ENTPD1: variants seen among roughly 807,000 people sequenced by gnomAD.
The protein encoded by ENTPD1 is ectonucleoside triphosphate diphosphohydrolase 1, also known as ATP diphosphohydrolase.
In ENTPD1, 33 loss-of-function variants were observed where a neutral mutation model predicts 57.0. The observed-to-expected ratio is 0.58, with a 90% confidence interval of 0.44 to 0.77. ENTPD1 has a LOEUF of 0.77. Among genes scored for constraint, ENTPD1 ranks in the 30% least tolerant of loss-of-function variants. ENTPD1 has a pLI of 0.00. For missense variants in ENTPD1, 501 were observed against 603.4 expected, an observed-to-expected ratio of 0.83 and a Z score of 1.78; for synonymous variants, 202 against 218.8, an observed-to-expected ratio of 0.92 and a Z score of 0.68.
chr10:95,783,895 A>C (rs191786232), intron 1 of ENTPD1, among the ~76,000 whole-genome samples: 20 of 152,268 alleles, frequency 1.3e-4, no homozygotes, highest in Admixed American at 1.3e-3. Flanking sequence ...AAGAGGAACA[A>C]ATTTTAAGAT....
intron 1 of ENTPD1, among the ~76,000 whole-genome samples, chr10:95,781,997 G>A (rs1448302309): frequency 6.6e-6 from 1 of 152,222 alleles, no homozygotes; most frequent in Non-Finnish European, 1.5e-5. Context: ...ATTGATGAGA[G>A]TTCTGTGAGT....
chr10:95,755,928 A>G, upstream of ENTPD1: 1 of 1,486,986 alleles, frequency 6.7e-7, no homozygotes, highest in Non-Finnish European at 8.9e-7. Flanking sequence ...GGAAGAAGGG[A>G]GAAAGAGAGA....
intron 1 of ENTPD1, among the ~76,000 whole-genome samples, chr10:95,811,385 A>T (rs2098306621): frequency 6.6e-6 from 1 of 152,062 alleles, no homozygotes; most frequent in Admixed American, 6.5e-5. Flanking sequence ...CCCAATGTTC[A>T]CCTTCCCAGC....
intron 4 of ENTPD1, 97 bp downstream of exon 4, chr10:95,842,591 C>T: frequency 1.5e-6 from 2 of 1,374,986 alleles, no homozygotes; most frequent in South Asian, 1.4e-5. Flanking sequence ...CCCTAATACC[C>T]CAAGTTCTAC....
chr10:95,817,649 T>C (rs541410994), intron 1 of ENTPD1, among the ~76,000 whole-genome samples: 2 of 152,280 alleles, frequency 1.3e-5, no homozygotes, highest in East Asian at 3.9e-4. Context: ...GCTGTAAAGC[T>C]CTTGCCTCAG....
chr10:95,754,639 T>A (rs1230380050), upstream of ENTPD1: 1 of 152,232 alleles, frequency 6.6e-6, no homozygotes, highest in African/African-American at 2.4e-5. Flanking sequence ...AAACCAGTTT[T>A]ATCATAACAG....
At chr10:95,796,582 C>T (rs1160083794) in intron 1 of ENTPD1, among the ~76,000 whole-genome samples, 5 of 152,022 alleles carry the variant, frequency 3.3e-5, no homozygotes, top group African/African-American at 1.2e-4. Context: ...GTTAGCATGG[C>T]CTTAAAATTG....
intron 1 of ENTPD1, among the ~76,000 whole-genome samples, chr10:95,801,071 TATTA>T (rs1181787921): frequency 6.6e-6 from 1 of 152,166 alleles, no homozygotes; most frequent in Non-Finnish European, 1.5e-5. Flanking sequence ...ATTATAAAAG[TATTA>T]ATTTTGGGAA....
intron 1 of ENTPD1, among the ~76,000 whole-genome samples, chr10:95,805,836 T>G (rs1313505343): frequency 1.3e-5 from 2 of 152,220 alleles, no homozygotes; most frequent in Admixed American, 6.5e-5. Flanking sequence ...TCTTCTGGCT[T>G]GTAGAGTTTC....
intron 1 of ENTPD1, among the ~76,000 whole-genome samples, chr10:95,770,558 T>A (rs1299801527): frequency 6.6e-6 from 1 of 152,188 alleles, no homozygotes; most frequent in Non-Finnish European, 1.5e-5. Context: ...AGACATTTTC[T>A]GTGAAAGAAA....
At chr10:95,747,525 G>C (rs1243016847) in intron 1 of ENTPD1, among the ~76,000 whole-genome samples, 1 of 152,184 alleles carries the variant, frequency 6.6e-6, no homozygotes, top group African/African-American at 2.4e-5. Flanking sequence ...GACTAGCTCT[G>C]TCCTTTCTGT....
At chr10:95,742,544 T>TC (rs1165804586) in intron 1 of ENTPD1, among the ~76,000 whole-genome samples, 1 of 150,798 alleles carries the variant, frequency 6.6e-6, no homozygotes. Flanking sequence ...CTTTTTTCTT[T>TC]TTTTTTTTTT....
chr10:95,784,018 T>G (rs1379797827), intron 1 of ENTPD1, among the ~76,000 whole-genome samples: 1 of 151,984 alleles, frequency 6.6e-6, no homozygotes, highest in Non-Finnish European at 1.5e-5. Flanking sequence ...TTTTTTTTCT[T>G]TTGTCTCTTT....
At position 95,829,572 on chromosome 10, in the gene ENTPD1, T is replaced by G. The variant is rs752907036; in HGVS notation, c.144+6208T>G. 6.0e-4 allele frequency among the ~76,000 whole-genome samples: 92 copies of G among 152,184 alleles called. 1 individual carries two copies. Among genetic ancestry groups the G allele is most frequent in the Admixed American group, 6.5e-5 (1 of 15,286 alleles). ...GTCACAAGAGGTATCTGAAGTATCATTGCACCTCCTGATTTTTGTGGAGGT... is the reference window on the plus strand; with the variant it reads ...GTCACAAGAGGTATCTGAAGTATCAGTGCACCTCCTGATTTTTGTGGAGGT... On this transcript the variant is annotated intron_variant, in intron 2 of 9. Transcript: ENST00000371205.
At chr10:95,809,798 C>T (rs552207160) in intron 1 of ENTPD1, among the ~76,000 whole-genome samples, 10 of 150,624 alleles carry the variant, frequency 6.6e-5, no homozygotes, top group South Asian at 6.3e-4. Flanking sequence ...GACGGGGCGG[C>T]GGGGCAGAAG....
intron 1 of ENTPD1, among the ~76,000 whole-genome samples, chr10:95,769,262 A>G (rs1402280277): frequency 2.0e-5 from 3 of 152,166 alleles, no homozygotes; most frequent in African/African-American, 7.2e-5. Context: ...TGAATTAGGG[A>G]GTGAGCTCCT....
At position 95,729,922 on chromosome 10, in the gene ENTPD1, C is replaced by T. The variant is rs570863431; in HGVS notation, c.37+17929C>T. Among the ~76,000 whole-genome samples, 5 of 152,264 alleles carry T rather than the reference C, an allele frequency of 3.3e-5. No homozygotes were observed. The East Asian group carries it at 7.7e-4, about 23-fold the overall frequency. On this transcript the variant is annotated intron_variant, in intron 1 of 9. Transcript: ENST00000453258. ...GAATTTCTCTAACTTAGTGATATCC[C>T]GATTCCTGATTTGTAGCAAGTCAGA...
At chr10:95,843,707 G>A (rs1040079013) in intron 4 of ENTPD1, among the ~76,000 whole-genome samples, 2 of 152,206 alleles carry the variant, frequency 1.3e-5, no homozygotes, top group African/African-American at 4.8e-5. Flanking sequence ...GACACTGGTA[G>A]AGAAGATGGA....
chr10:95,702,736 T>TAAA, the ENTPD1 span, among the ~76,000 whole-genome samples: 1 of 152,184 alleles, frequency 6.6e-6, no homozygotes, highest in Non-Finnish European at 1.5e-5. Flanking sequence ...AGAAAATCTT[T>TAAA]AAAATGTATA....
Sources: gnomAD v4.1 joint callset for allele counts (sites outside exome capture counted in the v4.1 genomes callset) on GRCh38, gnomAD v4.1.1 for gene constraint, MANE v1.5 for transcripts, NCBI Gene and HGNC (gene_info 2026-07-23, HGNC 2026-07-21) for gene names.